Variants in QTMAN observed in about 807,000 individuals in gnomAD.
QTMAN encodes the protein tRNA-queuosine alpha-mannosyltransferase.
At chr2:144,298,430 C>T in the QTMAN span, among the ~76,000 whole-genome samples, 4 of 152,116 alleles carry the variant, frequency 2.6e-5, no homozygotes, top group Non-Finnish European at 5.9e-5. Context: ...TATACCGTGG[C>T]TAAATGTTAA....
chr2:144,112,572 AGTT>A, the QTMAN span, among the ~76,000 whole-genome samples: 2 of 152,246 alleles, frequency 1.3e-5, no homozygotes, highest in African/African-American at 4.8e-5. Flanking sequence ...AGAAAGCTTT[AGTT>A]ATTATCTAAA....
chr2:144,121,517 T>G, the QTMAN span, among the ~76,000 whole-genome samples: 1 of 152,150 alleles, frequency 6.6e-6, no homozygotes, highest in Non-Finnish European at 1.5e-5. Flanking sequence ...GTTGTTGCTG[T>G]CAGGTGCATC....
At chr2:144,040,321 T>C in the QTMAN span, among the ~76,000 whole-genome samples, 30 of 152,198 alleles carry the variant, frequency 2.0e-4, no homozygotes, top group African/African-American at 6.5e-4. Context: ...ACCCTCATGA[T>C]TGTCTTACTT....
chr2:144,022,936 C>T, the QTMAN span, among the ~76,000 whole-genome samples: 6,319 of 151,988 alleles, frequency 0.042, 198 homozygotes, highest in East Asian at 0.079. Flanking sequence ...ATATAAAAAT[C>T]CTATTTAGTC....
the QTMAN span, among the ~76,000 whole-genome samples, chr2:144,331,090 G>A: frequency 6.6e-6 from 1 of 152,104 alleles, no homozygotes; most frequent in African/African-American, 2.4e-5. Context: ...AAAGTTTCGT[G>A]ATTCAAGAGG....
At chr2:144,018,775 A>G in the QTMAN span, among the ~76,000 whole-genome samples, 2 of 152,214 alleles carry the variant, frequency 1.3e-5, no homozygotes, top group African/African-American at 4.8e-5. Flanking sequence ...AAATTAGCTA[A>G]GATGTCCTCA....
chr2:144,106,285 G>C, the QTMAN span, among the ~76,000 whole-genome samples: 1 of 152,164 alleles, frequency 6.6e-6, no homozygotes, highest in Admixed American at 6.5e-5. Flanking sequence ...TGGGCTAAAT[G>C]CTCCAATTAA....
At chr2:144,302,227 A>C in the QTMAN span, among the ~76,000 whole-genome samples, 2 of 151,542 alleles carry the variant, frequency 1.3e-5, no homozygotes, top group Non-Finnish European at 2.9e-5. Flanking sequence ...GCTTTTCCTC[A>C]ATTATATATA....
At chr2:144,046,209 G>A in the QTMAN span, among the ~76,000 whole-genome samples, 1 of 152,156 alleles carries the variant, frequency 6.6e-6, no homozygotes, top group Non-Finnish European at 1.5e-5. Flanking sequence ...ATTGAATAAT[G>A]AGAAATGATG....
chr2:144,108,901 A>G, the QTMAN span, among the ~76,000 whole-genome samples: 1 of 152,186 alleles, frequency 6.6e-6, no homozygotes, highest in East Asian at 1.9e-4. Context: ...CACTACTCAA[A>G]GAAATAAAAG....
chr2:144,316,673 T>C, the QTMAN span, among the ~76,000 whole-genome samples: 1 of 152,154 alleles, frequency 6.6e-6, no homozygotes, highest in Non-Finnish European at 1.5e-5. Flanking sequence ...AGATACAATA[T>C]TCGCAAATAT....
At chr2:144,316,855 C>G in the QTMAN span, among the ~76,000 whole-genome samples, 1 of 152,182 alleles carries the variant, frequency 6.6e-6, no homozygotes, top group Admixed American at 6.5e-5. Context: ...GGTCTCTGCA[C>G]AAAATGAGCC....
At chr2:144,143,009 G>A in the QTMAN span, among the ~76,000 whole-genome samples, 1 of 151,932 alleles carries the variant, frequency 6.6e-6, no homozygotes, top group Non-Finnish European at 1.5e-5. Flanking sequence ...CAGCAGTGAG[G>A]CACAAATCTC....
At chr2:144,143,131 T>C in the QTMAN span, among the ~76,000 whole-genome samples, 12 of 151,994 alleles carry the variant, frequency 7.9e-5, no homozygotes, top group South Asian at 8.3e-4. Flanking sequence ...ATGTTGAAGG[T>C]AGGTTAGGCT....
At chr2:144,273,254 T>A in the QTMAN span, among the ~76,000 whole-genome samples, 1 of 152,106 alleles carries the variant, frequency 6.6e-6, no homozygotes, top group African/African-American at 2.4e-5. Flanking sequence ...AAACGCTCAA[T>A]TAGATCAAGA....
At chr2:144,239,533 C>T in the QTMAN span, among the ~76,000 whole-genome samples, 12 of 152,138 alleles carry the variant, frequency 7.9e-5, no homozygotes, top group Non-Finnish European at 1.8e-4. Flanking sequence ...TTCCTTCCTC[C>T]CTGCTAAAGC....
the QTMAN span, among the ~76,000 whole-genome samples, chr2:144,048,786 G>T: frequency 6.7e-6 from 1 of 149,382 alleles, no homozygotes; most frequent in Non-Finnish European, 1.5e-5. Flanking sequence ...CTGCTCCCCC[G>T]CATGCACATG....
the QTMAN span, among the ~76,000 whole-genome samples, chr2:143,947,395 T>G: frequency 6.6e-6 from 1 of 152,160 alleles, no homozygotes; most frequent in Admixed American, 6.6e-5. Context: ...GCACACATAT[T>G]TCTTGGTTTA....
At chr2:144,065,684 T>A in the QTMAN span, among the ~76,000 whole-genome samples, 2 of 152,108 alleles carry the variant, frequency 1.3e-5, no homozygotes, top group Admixed American at 1.3e-4. Flanking sequence ...GTCCTCCTAT[T>A]AAAGTTTCCT....
Sources: gnomAD v4.1 joint callset for allele counts (sites outside exome capture counted in the v4.1 genomes callset) on GRCh38, gnomAD v4.1.1 for gene constraint, MANE v1.5 for transcripts, NCBI Gene and HGNC (gene_info 2026-07-23, HGNC 2026-07-21) for gene names.